TTN: variants seen among roughly 807,000 people sequenced by gnomAD.
TTN encodes titin, also known as connectin.
A neutral mutation model predicts 3,223.0 loss-of-function variants in TTN; 1,525 were observed. The observed-to-expected ratio is 0.47, with a 90% CI of 0.45 to 0.49. The LOEUF (loss-of-function observed/expected upper bound fraction) is 0.49, where lower values mean the gene tolerates loss of function less well. Among genes scored for constraint, TTN ranks in the 20% least tolerant of loss-of-function variants. The pLI, the probability that TTN is intolerant of heterozygous loss-of-function variation, is 0.00. For missense variants in TTN, 40,786 were observed against 43,424.0 expected, an observed-to-expected ratio of 0.94 and a Z score of 5.40; for synonymous variants, 14,094 against 15,161.0, an observed-to-expected ratio of 0.93 and a Z score of 5.17.
chr2:178,740,250 A>G lies in TTN; in HGVS notation c.12983T>C (p.Leu4328Ser). 1.2e-6 allele frequency: 2 copies of G among 1,613,612 alleles called. No individual in the cohort carries two copies. Among genetic ancestry groups the G allele is most frequent in the Non-Finnish European group, 1.7e-6 (2 of 1,179,810 alleles). Residue 4328 changes from leucine (L) to serine (S), a missense_variant, in exon 48 of 363, where the codon TTA becomes TCA. Coordinates refer to ENST00000589042, the MANE Select transcript of TTN (RefSeq NM_001267550.2). ...TTCTTCAAGTGCTAGTGGAAATCTT[A>G]AGGACTTGCCTTCCTCAATTCTGAC... ...SAVRIEEGKS[L>S]RFPLALEEKQ... is the part of the protein sequence containing the mutation.
chr2:178,599,958 G>A (rs2154191673), intron 288 of TTN, 108 bp from the exon 289 acceptor site: 1 of 1,018,342 alleles, frequency 9.8e-7, no homozygotes, highest in Non-Finnish European at 1.4e-6. Context: ...GGCAGACTTT[G>A]TAGCTCAGCC....
chr2:178,675,191 A>G (rs1342913070), intron 149 of TTN, 78 bp from the exon 150 acceptor site: 4 of 904,482 alleles, frequency 4.4e-6, no homozygotes, highest in Middle Eastern at 2.2e-4. Flanking sequence ...CCAGTTTCCA[A>G]CATAAGAGAG....
chr2:178,723,488 A>C lies in TTN; in HGVS notation c.21612T>G (p.Ser7204Arg), dbSNP rs780624577. Reference sequence around the variant, plus strand: ...TAGAAACCACACAGGTGTATTCCCCACTCTGAGATATGTCAATATTAAATA... The same window carrying C: ...TAGAAACCACACAGGTGTATTCCCCCCTCTGAGATATGTCAATATTAAATA... ...LELFNIDISQ[S>R]GEYTCVVSNN... Residue 7204 changes from serine to arginine, a missense_variant, in exon 74 of 363, where the codon AGT becomes AGG. By Grantham distance (110) the Ser-to-Arg change is moderately radical (BLOSUM62 -1). Transcript: ENST00000589042. 7 of 1,613,324 alleles carry C rather than the reference A, an allele frequency of 4.3e-6. No individual in the cohort carries two copies. The highest frequency in any genetic ancestry group is 5.9e-6 in the Non-Finnish European group (7 of 1,179,592).
chr2:178,747,807 C>G, intron 47 of TTN: 8 of 1,612,656 alleles, frequency 5.0e-6, no homozygotes, highest in Non-Finnish European at 5.9e-6. Context: ...TCATTCTGAA[C>G]TTGAACTTCT....
At position 178,636,023 on chromosome 2, in the gene TTN, A is replaced by G. The variant is rs774281208; in HGVS notation, c.41548T>C (p.Tyr13850His). ...NDADDTDAGT[Y>H]TVTVENANNL... ...TTGGCGTTTTCCACAGTAACTGTGT[A>G]TGTTCCAGCATCTGTGTCATCTGCA... The change falls in exon 226 of 363, where the codon TAC (tyrosine) becomes CAC (histidine). Residue 13850 changes from tyrosine (Y) to histidine (H), a missense_variant. Tyr to His is a moderately conservative substitution (Grantham distance 83, BLOSUM62 2). Transcript: ENST00000589042. The surrounding 1 kb of genome is among the most constrained non-coding windows in gnomAD (Gnocchi z 4.3). 6.2e-7 allele frequency: 1 copy of G among 1,613,020 alleles called. No homozygotes were observed. The highest frequency in any genetic ancestry group is 1.3e-5 in the African/African-American group (1 of 74,988).
At chr2:178,692,754 T>C (rs2072775492) in intron 119 of TTN, among the ~76,000 whole-genome samples, 174 bp from the exon 120 acceptor site, 1 of 152,212 alleles carries the variant, frequency 6.6e-6, no homozygotes, top group Non-Finnish European at 1.5e-5. Context: ...AAAATGTGAC[T>C]GCTGTCACCT....
intron 47 of TTN, chr2:178,748,850 A>G: frequency 6.2e-7 from 1 of 1,612,046 alleles, no homozygotes; most frequent in Non-Finnish European, 8.5e-7. Flanking sequence ...ATTTGGAGAC[A>G]TTTTCTCTGC....
Position 178,674,037 on chromosome 2 carries a change from A to G in TTN, c.34708+277T>C, listed in dbSNP as rs142052963. Among the ~76,000 whole-genome samples the G allele has an allele frequency of 6.0e-3, 913 of 151,902 alleles. 12 individuals are homozygous for G. Among genetic ancestry groups the G allele is most frequent in the African/African-American group, 0.021 (868 of 41,500 alleles). On this transcript the variant is annotated intron_variant, in intron 151 of 362. Coordinates refer to ENST00000589042, the MANE Select transcript of TTN (RefSeq NM_001267550.2). ...ATATTAAAAACAAAATTAAGGATTGAAATCTAGGAGAAACTATTATAGTAG... is the reference window on the plus strand; with the variant it reads ...ATATTAAAAACAAAATTAAGGATTGGAATCTAGGAGAAACTATTATAGTAG...
intron 159 of TTN, among the ~76,000 whole-genome samples, chr2:178,668,997 AT>A (rs1261625449): frequency 8.5e-5 from 13 of 152,056 alleles, no homozygotes; most frequent in Admixed American, 3.3e-4. Flanking sequence ...AAAAAAAAAA[AT>A]AATGGTGAAA....
intron 135 of TTN, 138 bp from the exon 136 acceptor site, chr2:178,681,876 A>T: frequency 1.6e-6 from 1 of 642,902 alleles, no homozygotes; most frequent in Non-Finnish European, 2.5e-6. Flanking sequence ...CAAGAATCAG[A>T]GATCCAAGCA....
intron 115 of TTN, 132 bp downstream of exon 115, chr2:178,695,216 A>T: frequency 1.6e-6 from 1 of 625,916 alleles, no homozygotes; most frequent in Non-Finnish European, 2.6e-6. Context: ...AAGAAAAAAA[A>T]ATCATTCACA....
chr2:178,752,536 T>C (rs1298985051), intron 47 of TTN, among the ~76,000 whole-genome samples: 1 of 152,040 alleles, frequency 6.6e-6, no homozygotes, highest in Non-Finnish European at 1.5e-5. Context: ...TTCGAACTAA[T>C]ACAGCCATAA....
chr2:178,711,284 C>A lies in TTN; in HGVS notation c.27952G>T (p.Val9318Phe), dbSNP rs368920200. ...CCACTTATGGCACAATCAAAAACAA[C>A]TGGCAGTCCAACTGTTTCTTGAACA... ...RDVQETVGLP[V>F]VFDCAISGSE... The change falls in exon 97 of 363, where the codon GTT becomes TTT. Residue 9318 changes from valine to phenylalanine, a missense_variant. Coordinates refer to ENST00000589042, the MANE Select transcript of TTN (RefSeq NM_001267550.2). The A allele has an allele frequency of 1.2e-6, 2 of 1,613,474 alleles. No homozygotes were observed. The highest frequency in any genetic ancestry group is 2.7e-5 in the African/African-American group (2 of 74,924).
chr2:178,748,866 A>G lies in TTN; in HGVS notation c.11311+4258T>C, dbSNP rs1400907496. The G allele has an allele frequency of 1.9e-6, 3 of 1,612,322 alleles. No individual in the cohort carries two copies. The African/African-American group carries it at 4.0e-5, about 22-fold the overall frequency. ...TTTGGAGACATTTTCTCTGCCTGATACATATTTGCATTTAGATTGCTTGAT... is the reference window on the plus strand; with the variant it reads ...TTTGGAGACATTTTCTCTGCCTGATGCATATTTGCATTTAGATTGCTTGAT... On this transcript the variant is annotated intron_variant, in intron 47 of 362. Transcript: ENST00000589042.
chr2:178,597,876 T>C, intron 293 of TTN, 32 bp downstream of exon 293: 4 of 1,612,908 alleles, frequency 2.5e-6, no homozygotes, highest in Non-Finnish European at 2.5e-6. Context: ...GAAACATAAA[T>C]ACTGATGGCA....
chr2:178,743,773 T>C (rs1335975453), intron 47 of TTN, among the ~76,000 whole-genome samples: 1 of 152,020 alleles, frequency 6.6e-6, no homozygotes, highest in East Asian at 1.9e-4. Context: ...AAGTTCCTAA[T>C]CTATAGAATT....
In TTN at chr2:178,550,248, A is replaced by C. The variant is rs1423255358; in HGVS notation, c.91590T>G (p.Pro30530=). ...ENVPPIVEFG[P]EYFDGLIIKS... ...TAATAATGAGACCATCAAAGTATTC[A>C]GGGCCAAACTCTACTATTGGTGGAA... The change falls in exon 337 of 363, where the codon CCT becomes CCG. Residue 30530 remains proline (P), a synonymous_variant. Coordinates refer to ENST00000589042, the MANE Select transcript of TTN (RefSeq NM_001267550.2). The C allele has an allele frequency of 6.2e-7, 1 of 1,612,406 alleles. No individual in the cohort carries two copies. Among genetic ancestry groups the C allele is most frequent in the South Asian group, 1.1e-5 (1 of 91,004 alleles).
rs72650042 is a variant in TTN, at chr2:178,679,328, T to C, written c.33742+11A>G. On this transcript the variant is annotated intron_variant, in intron 142 of 362. Coordinates refer to ENST00000589042, the MANE Select transcript of TTN (RefSeq NM_001267550.2). Reference sequence around the variant, plus strand: ...ATCATGCTATTCCACTGATGGATTATAAGGATGTACCTTTTGCTGGCGGAG... The same window carrying C: ...ATCATGCTATTCCACTGATGGATTACAAGGATGTACCTTTTGCTGGCGGAG... 1.4e-3 allele frequency: 2,331 copies of C among 1,612,166 alleles called. 13 individuals carry two copies. The highest frequency in any genetic ancestry group is 0.012 in the African/African-American group (899 of 74,910).
chr2:178,741,937 T>A lies in TTN; in HGVS notation c.11312-16A>T. The A allele has an allele frequency of 7.0e-7, 1 of 1,420,854 alleles. No homozygotes were observed. The highest frequency in any genetic ancestry group is 9.2e-7 in the Non-Finnish European group (1 of 1,087,418). 88.0% of individuals were successfully genotyped at this position (1,420,854 alleles called of 1,614,324 possible). The stretch of plus-strand genomic sequence containing the variant: ...CTAGAAAACTCTGTATGGGGAAAAA[T>A]GATTATTATTTTACTATAAAATTTT... On this transcript the variant is annotated splice_polypyrimidine_tract_variant and intron_variant, in intron 47 of 362. Transcript: ENST00000589042.
Sources: allele counts gnomAD v4.1 joint callset (sites outside exome capture counted in the v4.1 genomes callset), GRCh38; gene constraint gnomAD v4.1.1; non-coding constraint Gnocchi (gnomAD v3.1); transcripts MANE v1.5; gene names NCBI Gene and HGNC (gene_info 2026-07-23, HGNC 2026-07-21).